ACOT11: variants seen among roughly 807,000 people sequenced by gnomAD.
ACOT11 encodes the protein acyl-CoA thioesterase 11.
A neutral mutation model predicts 77.5 loss-of-function variants in ACOT11; 69 were observed. The ratio of observed to expected loss-of-function variants is 0.89; its 90% CI spans 0.73 to 1.09. The LOEUF (loss-of-function observed/expected upper bound fraction) is 1.09. Among genes scored for constraint, ACOT11 ranks in the 50% least tolerant of loss-of-function variants. The pLI, the probability that ACOT11 is intolerant of heterozygous loss-of-function variation, is 0.00. For synonymous variants in ACOT11, 279 were observed against 313.0 expected (o/e 0.89, Z 1.15); for missense variants, 766 against 813.7 (o/e 0.94, Z 0.71).
At chr1:54,611,483 T>C (rs1644117485), downstream of ACOT11, 1 of 933,890 alleles carries the variant, frequency 1.1e-6, no homozygotes, top group Non-Finnish European at 1.6e-6. Context: ...TGCAGCCGCC[T>C]CCTGTCCCAC....
chr1:54,555,612 C>G (rs894534896), intron 1 of ACOT11, among the ~76,000 whole-genome samples: 2 of 152,104 alleles, frequency 1.3e-5, no homozygotes, highest in African/African-American at 4.8e-5. Flanking sequence ...GCTTTTGTTG[C>G]CTGTGCTTTT....
intron 13 of ACOT11, 92 bp downstream of exon 13, chr1:54,605,301 T>C: frequency 6.7e-7 from 1 of 1,489,606 alleles, no homozygotes; most frequent in Non-Finnish European, 8.9e-7. Flanking sequence ...TCCATGATGC[T>C]CTGCCCTGCT....
intron 1 of ACOT11, among the ~76,000 whole-genome samples, chr1:54,571,603 G>C (rs536202225): frequency 1.1e-3 from 163 of 152,262 alleles, no homozygotes; most frequent in Admixed American, 1.8e-3. Context: ...CTTGTTCTGA[G>C]ACCTGCTCTG....
intron 5 of ACOT11, 61 bp from the exon 6 acceptor site, chr1:54,594,494 GC>G: frequency 6.4e-7 from 1 of 1,559,916 alleles, no homozygotes; most frequent in Non-Finnish European, 8.7e-7. Flanking sequence ...CTGGGGACAG[GC>G]CCTTGTGCTA....
intron 1 of ACOT11, among the ~76,000 whole-genome samples, chr1:54,558,147 C>T (rs1653330466): frequency 6.6e-6 from 1 of 152,200 alleles, no homozygotes; most frequent in South Asian, 2.1e-4. Context: ...GGGGGATTAA[C>T]AGTTAGCCAG....
chr1:54,589,746 T>G (rs949987028), intron 3 of ACOT11, among the ~76,000 whole-genome samples: 1 of 152,120 alleles, frequency 6.6e-6, no homozygotes, highest in Non-Finnish European at 1.5e-5. Context: ...CTCTGCCTTC[T>G]AAAGCATTAA....
chr1:54,620,068 C>T (rs1318881208), intron 15 of ACOT11: 35 of 1,569,668 alleles, frequency 2.2e-5, no homozygotes, highest in South Asian at 5.8e-5. Context: ...GACTCATGTT[C>T]GTTCATCCCA....
At chr1:54,600,743 C>G (rs889511540) in intron 8 of ACOT11, among the ~76,000 whole-genome samples, 1 of 152,188 alleles carries the variant, frequency 6.6e-6, no homozygotes, top group African/African-American at 2.4e-5. Context: ...AGCAACTGAG[C>G]TGTTTGAAGC....
chr1:54,599,181 A>AATATATATATATATATATAT (rs1189803916), intron 7 of ACOT11, 115 bp from the exon 8 acceptor site: 3 of 33,988 alleles, frequency 8.8e-5, no homozygotes, highest in South Asian at 2.5e-3. Flanking sequence ...AAAAAAAAAA[A>AATATATATATATATATATAT]ATATATATAT....
Position 54,554,327 on chromosome 1 carries a change from GTGTGTGTA to G in ACOT11, c.33+5987_33+5994del, listed in dbSNP as rs1373898685. Among the ~76,000 whole-genome samples the G allele has an allele frequency of 3.2e-4, 25 of 77,714 alleles. 1 individual carries two copies. Among genetic ancestry groups the G allele is most frequent in the South Asian group, 9.1e-4 (2 of 2,206 alleles). The allele number at this position is 77,714 out of a possible 152,430, so 51.0% of individuals were successfully genotyped here. ...TGTGTGTGTGTGTGTGTGTGTGTGT[GTGTGTGTA>G]TATATATATATATATATTTTTTTTT... On this transcript the variant is annotated intron_variant, in intron 1 of 15. Transcript: ENST00000343744.
At chr1:54,573,551 G>C (rs1484552379) in intron 1 of ACOT11, among the ~76,000 whole-genome samples, 2 of 152,124 alleles carry the variant, frequency 1.3e-5, no homozygotes, top group Admixed American at 1.3e-4. Context: ...TGGCCAACAT[G>C]GTGAAACCCC....
At chr1:54,557,895 GA>G (rs1178823093) in intron 1 of ACOT11, among the ~76,000 whole-genome samples, 1 of 152,142 alleles carries the variant, frequency 6.6e-6, no homozygotes, top group Non-Finnish European at 1.5e-5. Context: ...CTCTGGCTAG[GA>G]CTTCCGGTAT....
At chr1:54,599,266 C>T in intron 7 of ACOT11, 30 bp from the exon 8 acceptor site, 1 of 1,454,410 alleles carries the variant, frequency 6.9e-7, no homozygotes, top group Non-Finnish European at 9.2e-7. Flanking sequence ...CAGGGGCATT[C>T]CTTCTGTCTC....
chr1:54,619,305 C>A (rs1051004827), intron 15 of ACOT11, among the ~76,000 whole-genome samples: 1 of 152,206 alleles, frequency 6.6e-6, no homozygotes, highest in Admixed American at 6.5e-5. Flanking sequence ...TCAAGCGTCA[C>A]GCAGTGGCTT....
At chr1:54,593,877 G>A (rs1002881529) in intron 4 of ACOT11, 64 bp from the exon 5 acceptor site, 4 of 1,387,210 alleles carry the variant, frequency 2.9e-6, no homozygotes, top group East Asian at 2.3e-5. Flanking sequence ...GTGGAGCTGC[G>A]GGGCTTCTAA....
chr1:54,638,438 A>G (rs1399443257), exon 17 of ACOT11: 5 of 152,266 alleles, frequency 3.3e-5, no homozygotes, highest in African/African-American at 7.2e-5. Flanking sequence ...GCTCACTGCA[A>G]CCTCGGCCTC....
In ACOT11 at chr1:54,593,983, C is replaced by G; in HGVS notation, c.415C>G (p.Gln139Glu). The G allele has an allele frequency of 6.2e-7, 1 of 1,614,200 alleles. No individual in the cohort carries two copies. The highest frequency in any genetic ancestry group is 8.5e-7 in the Non-Finnish European group (1 of 1,180,032). The change falls in exon 5 of 16, where the codon CAG (glutamine) becomes GAG (glutamate). Residue 139 changes from glutamine to glutamate, a missense_variant. Coordinates refer to ENST00000343744, the MANE Select transcript of ACOT11 (RefSeq NM_147161.4). ...VASEDLCSEK[Q>E]WNVCKALATF... is the part of the protein sequence containing the mutation. ...CTCGGAGGACCTGTGCTCTGAGAAG[C>G]AGTGGAATGTGTGCAAGGCCTTGGC...
At chr1:54,593,888 C>A in intron 4 of ACOT11, 53 bp from the exon 5 acceptor site, 1 of 1,491,858 alleles carries the variant, frequency 6.7e-7, no homozygotes, top group Non-Finnish European at 9.3e-7. Flanking sequence ...GGGCTTCTAA[C>A]TGGTGAGTGC....
intron 15 of ACOT11, chr1:54,616,291 A>AC: frequency 1.2e-6 from 1 of 856,540 alleles, no homozygotes; most frequent in Non-Finnish European, 1.8e-6. Flanking sequence ...TGGAAGAGGA[A>AC]AATATTCACC....
Sources: allele counts gnomAD v4.1 joint callset (sites outside exome capture counted in the v4.1 genomes callset), GRCh38; gene constraint gnomAD v4.1.1; transcripts MANE v1.5; gene names NCBI Gene and HGNC (gene_info 2026-07-23, HGNC 2026-07-21).